Variants in LRRC7 observed in about 807,000 individuals in gnomAD.
The protein encoded by LRRC7 is leucine-rich repeat-containing protein 7.
LRRC7 carries 23 observed loss-of-function variants against 175.7 expected under a neutral mutation model. The observed-to-expected ratio is 0.13, with a 90% CI of 0.09 to 0.19. The LOEUF (loss-of-function observed/expected upper bound fraction) is 0.19. Among genes scored for constraint, LRRC7 ranks in the 10% least tolerant of loss-of-function variants. The pLI is 1.00. For missense variants in LRRC7, 1,354 were observed against 1,904.7 expected (o/e 0.71, Z 5.38); for synonymous variants, 685 against 680.9 (o/e 1.01, Z -0.09).
chr1:69,924,120 C>T (rs1013470045), intron 7 of LRRC7, among the ~76,000 whole-genome samples: 38 of 152,084 alleles, frequency 2.5e-4, no homozygotes, highest in South Asian at 6.2e-4. Flanking sequence ...TGTAGATATG[C>T]GGCGTTATTT....
chr1:69,917,855 G>T (rs944318538), intron 7 of LRRC7, among the ~76,000 whole-genome samples: 2 of 152,028 alleles, frequency 1.3e-5, no homozygotes, highest in Non-Finnish European at 1.5e-5. Flanking sequence ...AAGATTATGT[G>T]CATAATGCTA....
chr1:69,884,986 A>G (rs1687026515), intron 7 of LRRC7, among the ~76,000 whole-genome samples: 1 of 149,880 alleles, frequency 6.7e-6, no homozygotes, highest in Non-Finnish European at 1.5e-5. Context: ...ATGGTGGGTA[A>G]GCTTTTTGAT....
intron 11 of LRRC7, 43 bp downstream of exon 11, chr1:69,994,676 GA>G (rs754271506): frequency 7.7e-7 from 1 of 1,306,922 alleles, no homozygotes; most frequent in African/African-American, 1.5e-5. Flanking sequence ...TCAAAAGCCA[GA>G]AACTAAAGGA....
chr1:69,879,145 C>T (rs1475499491), intron 7 of LRRC7, among the ~76,000 whole-genome samples: 2 of 135,076 alleles, frequency 1.5e-5, no homozygotes, highest in Admixed American at 8.2e-5. Context: ...TGCATGTGTT[C>T]GGGTGGGGAG....
intron 8 of LRRC7, among the ~76,000 whole-genome samples, chr1:69,943,361 C>T (rs1359693481): frequency 6.6e-6 from 1 of 151,998 alleles, no homozygotes; most frequent in African/African-American, 2.4e-5. Context: ...AAACAAAAGG[C>T]CATGTGTTAT....
At chr1:69,926,896 G>C (rs534671586) in intron 7 of LRRC7, among the ~76,000 whole-genome samples, 3 of 152,018 alleles carry the variant, frequency 2.0e-5, no homozygotes, top group East Asian at 3.9e-4. Flanking sequence ...CAGTTTCTTC[G>C]TAGCCTCAAT....
At chr1:69,930,726 G>C (rs1647284489) in intron 7 of LRRC7, among the ~76,000 whole-genome samples, 1 of 152,334 alleles carries the variant, frequency 6.6e-6, no homozygotes. Flanking sequence ...ACATGGCTGG[G>C]CAGGCTTCAG....
chr1:69,786,607 G>A (rs1362553540), intron 3 of LRRC7, among the ~76,000 whole-genome samples: 2 of 152,156 alleles, frequency 1.3e-5, no homozygotes, highest in Non-Finnish European at 2.9e-5. Context: ...GATCATGATG[G>A]AAGGTAAAAG....
chr1:69,881,541 C>T (rs1686598758), intron 7 of LRRC7, among the ~76,000 whole-genome samples: 1 of 151,978 alleles, frequency 6.6e-6, no homozygotes, highest in African/African-American at 2.4e-5. Flanking sequence ...ATGAGACTAA[C>T]TCAAACAAAA....
intron 18 of LRRC7, among the ~76,000 whole-genome samples, chr1:70,029,833 GA>G (rs1187650849): frequency 1.4e-4 from 21 of 152,242 alleles, no homozygotes; most frequent in Non-Finnish European, 1.6e-4. Flanking sequence ...CTTTGGTTAT[GA>G]ATTTAATAAT....
At chr1:69,819,573 CTCTCTGTGTGTG>C (rs1384667913) in intron 4 of LRRC7, among the ~76,000 whole-genome samples, 60 of 128,170 alleles carry the variant, frequency 4.7e-4, no homozygotes, top group African/African-American at 2.0e-3. Flanking sequence ...CTCTCTCTCT[CTCTCTGTGTGTG>C]TGTGTGTGTG....
intron 7 of LRRC7, among the ~76,000 whole-genome samples, chr1:69,890,122 A>G (rs1273150202): frequency 1.3e-5 from 2 of 152,218 alleles, no homozygotes; most frequent in Non-Finnish European, 2.9e-5. Context: ...TGTTAATGGC[A>G]TCTAGAATGG....
chr1:69,691,120 CAAACAACCATGGGGA>C (rs770351063), intron 2 of LRRC7, among the ~76,000 whole-genome samples: 4 of 152,100 alleles, frequency 2.6e-5, no homozygotes, highest in Non-Finnish European at 1.5e-5. Context: ...TAATAGGCCC[CAAACAACCATGGGGA>C]AGCAGGTCAG....
intron 1 of LRRC7, among the ~76,000 whole-genome samples, chr1:69,628,918 G>C (rs144429905): frequency 6.6e-6 from 1 of 152,168 alleles, no homozygotes; most frequent in African/African-American, 2.4e-5. Flanking sequence ...ATATATATGG[G>C]CAGGAAAATG....
chr1:70,064,565 A>G (rs774448840), intron 23 of LRRC7, among the ~76,000 whole-genome samples: 11 of 151,998 alleles, frequency 7.2e-5, no homozygotes, highest in Non-Finnish European at 1.0e-4. Context: ...AGCCCATTGC[A>G]CTGTTAAATA....
intron 23 of LRRC7, among the ~76,000 whole-genome samples, chr1:70,053,887 CAA>C (rs1424442894): frequency 9.2e-5 from 14 of 151,998 alleles, no homozygotes; most frequent in Admixed American, 7.2e-4. Context: ...AATACTAAAA[CAA>C]AACTGAACCT....
intron 11 of LRRC7, among the ~76,000 whole-genome samples, chr1:70,006,346 C>A (rs535210134): frequency 6.6e-6 from 1 of 151,920 alleles, no homozygotes; most frequent in South Asian, 2.1e-4. Flanking sequence ...ATTGTGGGCG[C>A]CTGTATTCCC....
rs201977986 is a variant in LRRC7, at chr1:69,717,928, A to AAAAG, written c.100+39477_100+39480dup. Among the ~76,000 whole-genome samples the AAAAG allele has an allele frequency of 3.6e-4, 20 of 55,980 alleles. 2 individuals are homozygous for AAAAG. The highest frequency in any genetic ancestry group is 4.7e-4 in the Non-Finnish European group (16 of 33,914). The allele number at this position is 55,980 out of a possible 152,430, so 36.7% of individuals were successfully genotyped here. ...GAGGGAGAGAAAGAGAGAAAAAAAG[A>AAAAG]AAAGAAAGAAAGAAAGAAAGAAAGA... is the stretch of plus-strand genomic sequence containing the variant. On this transcript the variant is annotated intron_variant, in intron 2 of 26. Coordinates refer to ENST00000651989, the MANE Select transcript of LRRC7 (RefSeq NM_001370785.2).
intron 11 of LRRC7, among the ~76,000 whole-genome samples, chr1:70,000,348 G>A (rs1181134476): frequency 6.6e-6 from 1 of 152,118 alleles, no homozygotes; most frequent in African/African-American, 2.4e-5. Context: ...ACAGTATTCA[G>A]TAAATCACAT....
Sources: allele counts gnomAD v4.1 joint callset (sites outside exome capture counted in the v4.1 genomes callset), GRCh38; gene constraint gnomAD v4.1.1; transcripts MANE v1.5; gene names NCBI Gene and HGNC (gene_info 2026-07-23, HGNC 2026-07-21).